Variants in GRM7 observed in about 807,000 individuals in gnomAD.
The protein encoded by GRM7 is metabotropic glutamate receptor 7.
A neutral mutation model predicts 84.5 loss-of-function variants in GRM7; 35 were observed. That is an observed-to-expected ratio of 0.41 (90% CI 0.32 to 0.55). The LOEUF is 0.55. Among genes scored for constraint, GRM7 ranks in the 20% least tolerant of loss-of-function variants. GRM7 has a pLI of 0.19. For missense variants in GRM7, 1,003 were observed against 1,194.6 expected (o/e 0.84, Z 2.36); for synonymous variants, 487 against 455.1 (o/e 1.07, Z -0.89).
intron 5 of GRM7, among the ~76,000 whole-genome samples, chr3:7,427,151 T>A (rs1325606436): frequency 6.6e-6 from 1 of 152,218 alleles, no homozygotes; most frequent in Non-Finnish European, 1.5e-5. Flanking sequence ...TCTGCATATA[T>A]TTGAATTGAC....
intron 2 of GRM7, among the ~76,000 whole-genome samples, chr3:7,217,974 T>C (rs948405142): frequency 3.5e-4 from 54 of 152,144 alleles, no homozygotes; most frequent in African/African-American, 1.2e-3. Context: ...ATTATGACTT[T>C]AGTATATGAT....
chr3:7,134,396 TC>T (rs1402193969), intron 1 of GRM7, among the ~76,000 whole-genome samples: 1 of 151,370 alleles, frequency 6.6e-6, no homozygotes, highest in Non-Finnish European at 1.5e-5. Context: ...TAACTAGGTT[TC>T]CCCACTGTCG....
chr3:7,433,912 A>G (rs893861683), intron 5 of GRM7, among the ~76,000 whole-genome samples: 36 of 152,212 alleles, frequency 2.4e-4, no homozygotes, highest in African/African-American at 8.7e-4. Flanking sequence ...TCCAATCTCT[A>G]TACCAATATG....
At chr3:6,878,579 T>C (rs1304917739) in intron 1 of GRM7, among the ~76,000 whole-genome samples, 1 of 144,748 alleles carries the variant, frequency 6.9e-6, no homozygotes, top group Non-Finnish European at 1.5e-5. Flanking sequence ...CAACACATCC[T>C]CTCAGACATG....
chr3:7,092,350 A>T (rs1318785088), intron 1 of GRM7, among the ~76,000 whole-genome samples: 1 of 152,174 alleles, frequency 6.6e-6, no homozygotes, highest in East Asian at 1.9e-4. Context: ...CATTATGTTA[A>T]GAGCAAACAT....
chr3:7,575,771 G>A (rs1189011872), intron 7 of GRM7, among the ~76,000 whole-genome samples: 1 of 152,268 alleles, frequency 6.6e-6, no homozygotes, highest in South Asian at 2.1e-4. Context: ...GTTGAAACCT[G>A]CTTTAAACGA....
chr3:7,355,802 A>C (rs987873307), intron 4 of GRM7, among the ~76,000 whole-genome samples: 44 of 152,086 alleles, frequency 2.9e-4, no homozygotes, highest in Non-Finnish European at 5.3e-4. Context: ...GAAGTGGCCC[A>C]AATGCCCACA....
chr3:7,519,416 AT>A (rs1700509932), intron 7 of GRM7, among the ~76,000 whole-genome samples: 1 of 151,590 alleles, frequency 6.6e-6, no homozygotes, highest in Non-Finnish European at 1.5e-5. Flanking sequence ...CCTGCTGGAA[AT>A]CTGTCTGTTG....
chr3:7,176,526 C>A (rs193250439), intron 2 of GRM7, among the ~76,000 whole-genome samples: 45 of 152,226 alleles, frequency 3.0e-4, no homozygotes, highest in Non-Finnish European at 1.5e-5. Flanking sequence ...ACGCAATTGA[C>A]CTGCTACATT....
intron 7 of GRM7, among the ~76,000 whole-genome samples, chr3:7,544,526 T>G (rs1288024890): frequency 6.6e-6 from 1 of 152,136 alleles, no homozygotes; most frequent in Admixed American, 6.5e-5. Flanking sequence ...TCCTGGGTAG[T>G]TCCCAGCCTG....
In GRM7 at chr3:7,521,823, G is replaced by T. The variant is rs73017865; in HGVS notation, c.1516-56599G>T. Among the ~76,000 whole-genome samples the T allele has an allele frequency of 9.8e-3, 1,492 of 152,234 alleles. 10 individuals carry two copies. The highest frequency in any genetic ancestry group is 0.014 in the Middle Eastern group (4 of 294). The stretch of plus-strand genomic sequence containing the variant: ...TCCCAAGTAGACACGTAGAAACTCA[G>T]TGGGGACAAGGTCTTTCACCACTTT... On this transcript the variant is annotated intron_variant, in intron 7 of 9. Transcript: ENST00000357716.
chr3:7,591,659 G>C (rs958528058), intron 8 of GRM7, among the ~76,000 whole-genome samples: 5 of 152,142 alleles, frequency 3.3e-5, no homozygotes, highest in African/African-American at 1.2e-4. Flanking sequence ...ATAGTACTTA[G>C]AATTGTTAAA....
intron 4 of GRM7, among the ~76,000 whole-genome samples, chr3:7,341,156 G>A (rs755085048): frequency 6.6e-6 from 1 of 152,118 alleles, no homozygotes; most frequent in African/African-American, 2.4e-5. Flanking sequence ...CGAAAGATAT[G>A]AAATATTTCT....
chr3:6,930,978 A>G (rs559453493), intron 1 of GRM7, among the ~76,000 whole-genome samples: 12 of 152,146 alleles, frequency 7.9e-5, no homozygotes, highest in Non-Finnish European at 1.6e-4. Flanking sequence ...GGGATGCCCC[A>G]TCCTTTCCCA....
chr3:6,884,847 C>T (rs1695632737), intron 1 of GRM7, among the ~76,000 whole-genome samples: 1 of 152,162 alleles, frequency 6.6e-6, no homozygotes, highest in Non-Finnish European at 1.5e-5. Flanking sequence ...ATCCACCCAC[C>T]TCGGCCTCCC....
chr3:7,622,293 C>A (rs575859425), intron 8 of GRM7, among the ~76,000 whole-genome samples: 2 of 152,108 alleles, frequency 1.3e-5, no homozygotes, highest in Admixed American at 1.3e-4. Context: ...CCTGAGCCTT[C>A]CCTTCATATT....
intron 8 of GRM7, among the ~76,000 whole-genome samples, chr3:7,608,812 T>A (rs1303199258): frequency 1.3e-5 from 2 of 152,194 alleles, no homozygotes; most frequent in Non-Finnish European, 2.9e-5. Flanking sequence ...GGGATAGTAA[T>A]GCCTAGGTTG....
At chr3:7,400,243 A>T (rs900038559) in intron 4 of GRM7, among the ~76,000 whole-genome samples, 1 of 152,150 alleles carries the variant, frequency 6.6e-6, no homozygotes, top group Non-Finnish European at 1.5e-5. Context: ...TACATTTCCA[A>T]GTGTTGTAAG....
rs192397719 is a variant in GRM7, at chr3:6,877,231, G to C, written c.519+15324G>C. Among the ~76,000 whole-genome samples the C allele has an allele frequency of 1.4e-3, 207 of 152,248 alleles. 1 individual carries two copies. The highest frequency in any genetic ancestry group is 3.4e-3 in the Middle Eastern group (1 of 294). ...AGGCAGAGAAGTCTGGTACTGGTTT[G>C]CCTGCTATACGGAGGGGTTTGATGC... On this transcript the variant is annotated intron_variant, in intron 1 of 9. Transcript: ENST00000357716.
Sources: gnomAD v4.1 joint callset for allele counts (sites outside exome capture counted in the v4.1 genomes callset) on GRCh38, gnomAD v4.1.1 for gene constraint, MANE v1.5 for transcripts, NCBI Gene and HGNC (gene_info 2026-07-23, HGNC 2026-07-21) for gene names.